The following TTC6 variants were observed in gnomAD, a reference collection of about 807,000 sequenced individuals.
The protein encoded by TTC6 is tetratricopeptide repeat domain 6, also known as tetratricopeptide repeat protein 6.
Under a neutral mutation model 210.4 loss-of-function variants are expected in TTC6, and 172 were observed. The observed-to-expected ratio is 0.82, with a 90% confidence interval of 0.72 to 0.93. The LOEUF (loss-of-function observed/expected upper bound fraction) is 0.93, where lower values mean the gene tolerates loss of function less well. Among genes scored for constraint, TTC6 ranks in the 40% least tolerant of loss-of-function variants. The pLI, the probability that TTC6 is intolerant of heterozygous loss-of-function variation, is 0.00. For synonymous variants in TTC6, 804 were observed against 819.6 expected, an observed-to-expected ratio of 0.98 and a Z score of 0.32; for missense variants, 2,414 against 2,318.1, an observed-to-expected ratio of 1.04 and a Z score of -0.85.
At chr14:37,824,943 A>G (rs574753659) in intron 27 of TTC6, among the ~76,000 whole-genome samples, 1 of 152,220 alleles carries the variant, frequency 6.6e-6, no homozygotes, top group South Asian at 2.1e-4. Context: ...AAAAATGTGA[A>G]TTGCATTAAT....
chr14:37,826,802 G>T (rs1274294221), intron 28 of TTC6, among the ~76,000 whole-genome samples: 4 of 152,084 alleles, frequency 2.6e-5, no homozygotes, highest in Admixed American at 2.6e-4. Context: ...GATTTGGGCA[G>T]ATGTTGTAGT....
exon 8 of TTC6, chr14:37,735,921 A>T (rs766301318): frequency 2.0e-5 from 30 of 1,517,124 alleles, no homozygotes; most frequent in Non-Finnish European, 2.4e-5. Flanking sequence ...TTTATCACAG[A>T]GTGTTCAAGC....
rs1491448824 is a variant in TTC6, at chr14:37,657,348, TTA to T, written c.940-22802_940-22801del. On this transcript the variant is annotated intron_variant, in intron 1 of 30. Coordinates refer to ENST00000553443, the Ensembl canonical transcript of TTC6. ...TGTGGAAGTTTTGGAAGCTTTCTAT[TTA>T]AAAAAAAAAAAAAAAGACCATTTCC... is the stretch of plus-strand genomic sequence containing the variant. 4.6e-5 allele frequency among the ~76,000 whole-genome samples: 6 copies of T among 130,602 alleles called. 1 individual carries two copies. The highest frequency in any genetic ancestry group is 7.7e-3 in the Middle Eastern group (2 of 260). 85.7% of individuals were successfully genotyped at this position (130,602 alleles called of 152,430 possible).
chr14:37,633,958 G>A (rs892991382), intron 1 of TTC6, among the ~76,000 whole-genome samples: 7 of 152,126 alleles, frequency 4.6e-5, no homozygotes, highest in African/African-American at 1.2e-4. Flanking sequence ...GCCTCCCTGC[G>A]CTGCCTCTTT....
chr14:37,792,298 A>G (rs2096081695), exon 17 of TTC6: 2 of 1,528,984 alleles, frequency 1.3e-6, no homozygotes, highest in African/African-American at 2.8e-5. Context: ...TATTGGCCTC[A>G]TACATCTGCT....
At chr14:37,817,744 G>A in intron 26 of TTC6, 93 bp downstream of exon 28, 1 of 1,218,164 alleles carries the variant, frequency 8.2e-7, no homozygotes, top group Non-Finnish European at 1.2e-6. Flanking sequence ...GAGAATGGAA[G>A]AAACTGGGAG....
At chr14:37,787,408 T>C (rs2096070319) in intron 14 of TTC6, 60 bp from the exon 17 acceptor site, 1 of 1,188,464 alleles carries the variant, frequency 8.4e-7, no homozygotes, top group South Asian at 2.2e-5. Context: ...TGTACAGGTT[T>C]ACCAAAAAGA....
At chr14:37,753,668 A>C (rs1237370406) in intron 14 of TTC6, among the ~76,000 whole-genome samples, 1 of 152,036 alleles carries the variant, frequency 6.6e-6, no homozygotes, top group Non-Finnish European at 1.5e-5. Context: ...TCCTGGGCTC[A>C]TGCGATCCTC....
chr14:37,776,290 A>T (rs1293062238), intron 14 of TTC6, among the ~76,000 whole-genome samples: 1 of 152,006 alleles, frequency 6.6e-6, no homozygotes, highest in Non-Finnish European at 1.5e-5. Context: ...ATGCCTTTTC[A>T]TTGGGGCATT....
At chr14:37,737,621 C>A (rs766992188) in intron 8 of TTC6, 39 bp from the exon 11 acceptor site, 2 of 1,187,686 alleles carry the variant, frequency 1.7e-6, no homozygotes, top group South Asian at 2.8e-5. Flanking sequence ...CAGATAGTAT[C>A]TGTGACTAAT....
intron 1 of TTC6, among the ~76,000 whole-genome samples, chr14:37,635,988 AAAAAAAAAAAAAG>A (rs2095679691): frequency 6.6e-6 from 1 of 150,418 alleles, no homozygotes; most frequent in South Asian, 2.1e-4. Context: ...TTCCAAAAAA[AAAAAAAAAAAAAG>A]AAAAAAAAAA....
At chr14:37,737,681 G>T (rs890393435) in exon 9 of TTC6, 3 of 1,521,158 alleles carry the variant, frequency 2.0e-6, no homozygotes, top group African/African-American at 1.4e-5. Context: ...AAGAAAATCT[G>T]CATCATTTGA....
chr14:37,670,532 G>A (rs945640095), intron 1 of TTC6, among the ~76,000 whole-genome samples: 6 of 140,734 alleles, frequency 4.3e-5, no homozygotes, highest in Non-Finnish European at 9.1e-5. Flanking sequence ...GTGCAGTGGC[G>A]TAATCTTGGC....
At chr14:37,823,990 T>C (rs1206226268) in intron 27 of TTC6, 33 bp downstream of exon 29, 2 of 1,587,546 alleles carry the variant, frequency 1.3e-6, no homozygotes, top group Non-Finnish European at 8.6e-7. Flanking sequence ...ATTAAAAGCA[T>C]GTTTTGGGGA....
intron 18 of TTC6, among the ~76,000 whole-genome samples, chr14:37,795,929 G>C (rs951468518): frequency 6.6e-6 from 1 of 152,086 alleles, no homozygotes; most frequent in Non-Finnish European, 1.5e-5. Flanking sequence ...ACTGATAAGG[G>C]CTTGCTTTGT....
intron 1 of TTC6, among the ~76,000 whole-genome samples, chr14:37,606,362 T>C (rs546147197): frequency 6.6e-6 from 1 of 152,282 alleles, no homozygotes; most frequent in Admixed American, 6.5e-5. Flanking sequence ...GTTTGACCAA[T>C]GGAGGACAAT....
intron 2 of TTC6, among the ~76,000 whole-genome samples, chr14:37,681,107 G>A (rs1029024442): frequency 1.3e-5 from 2 of 152,030 alleles, no homozygotes; most frequent in African/African-American, 2.4e-5. Flanking sequence ...AGCATGAGAT[G>A]GTACTAGTAG....
intron 14 of TTC6, 51 bp from the exon 17 acceptor site, chr14:37,787,417 G>A (rs2096070342): frequency 8.0e-7 from 1 of 1,253,254 alleles, no homozygotes; most frequent in African/African-American, 1.5e-5. Context: ...TTACCAAAAA[G>A]AGAAAATGTA....
intron 1 of TTC6, among the ~76,000 whole-genome samples, chr14:37,601,655 C>G (rs114849040): frequency 5.9e-4 from 90 of 152,280 alleles, no homozygotes; most frequent in African/African-American, 2.1e-3. Flanking sequence ...ACCTGAGAAC[C>G]TTGAGCTTCC....
Sources: gnomAD v4.1 joint callset for allele counts (sites outside exome capture counted in the v4.1 genomes callset) on GRCh38, gnomAD v4.1.1 for gene constraint, MANE v1.5 for transcripts, NCBI Gene and HGNC (gene_info 2026-07-23, HGNC 2026-07-21) for gene names.